ZFP1: variants seen among roughly 807,000 people sequenced by gnomAD.
The protein encoded by ZFP1 is ZFP1 zinc finger protein.
ZFP1 carries 32 observed loss-of-function variants against 38.5 expected under a neutral mutation model. The ratio of observed to expected loss-of-function variants is 0.83; its 90% CI spans 0.63 to 1.12. The LOEUF is 1.12. Among genes scored for constraint, ZFP1 ranks in the 50% most tolerant of loss-of-function variants. The pLI is 0.00. For missense variants in ZFP1, 616 were observed against 480.8 expected, an observed-to-expected ratio of 1.28 and a Z score of -2.63; for synonymous variants, 245 against 168.8, an observed-to-expected ratio of 1.45 and a Z score of -3.50.
chr16:75,139,855 A>G, the ZFP1 span, among the ~76,000 whole-genome samples: 7 of 152,250 alleles, frequency 4.6e-5, no homozygotes, highest in African/African-American at 1.7e-4. Flanking sequence ...AAAGAGTTCC[A>G]GCGATGGATA....
At chr16:75,121,605 G>A in the ZFP1 span, among the ~76,000 whole-genome samples, 1 of 152,200 alleles carries the variant, frequency 6.6e-6, no homozygotes, top group Non-Finnish European at 1.5e-5. Flanking sequence ...TGTGAAGCAG[G>A]TTATCAATAA....
chr16:75,122,405 T>C, the ZFP1 span, among the ~76,000 whole-genome samples: 4 of 152,106 alleles, frequency 2.6e-5, no homozygotes, highest in South Asian at 2.1e-4. Context: ...GTGACTCAGG[T>C]CAAAGCAGGT....
chr16:75,137,026 C>G, the ZFP1 span, among the ~76,000 whole-genome samples: 1 of 152,162 alleles, frequency 6.6e-6, no homozygotes, highest in East Asian at 1.9e-4. Context: ...CCGGGGCCAG[C>G]ATTTGTGTTT....
chr16:75,166,299 C>T (rs375037510), intron 2 of ZFP1, among the ~76,000 whole-genome samples: 1 of 152,182 alleles, frequency 6.6e-6, no homozygotes, highest in Non-Finnish European at 1.5e-5. Context: ...GTGGTGCAGT[C>T]TTGGCTCACT....
At chr16:75,136,334 A>G in the ZFP1 span, among the ~76,000 whole-genome samples, 14 of 152,218 alleles carry the variant, frequency 9.2e-5, no homozygotes, top group Admixed American at 2.0e-4. Context: ...ACTCAAGTCA[A>G]TGAAGTTGTT....
the ZFP1 span, among the ~76,000 whole-genome samples, chr16:75,126,518 C>G: frequency 1.3e-5 from 2 of 152,182 alleles, no homozygotes; most frequent in East Asian, 3.9e-4. Flanking sequence ...ATTCTCCTGC[C>G]TCAGCCTCCT....
chr16:75,169,143 C>A, intron 3 of ZFP1, 110 bp from the exon 4 acceptor site: 1 of 1,347,110 alleles, frequency 7.4e-7, no homozygotes, highest in Non-Finnish European at 9.8e-7. Flanking sequence ...AGACTGGGTC[C>A]CAAACTAAAG....
intron 1 of ZFP1, among the ~76,000 whole-genome samples, chr16:75,149,973 CG>C (rs1421911866): frequency 1.3e-5 from 2 of 149,796 alleles, no homozygotes; most frequent in East Asian, 4.1e-4. Flanking sequence ...TTAGTAGAGA[CG>C]GGGTTTCACC....
the ZFP1 span, among the ~76,000 whole-genome samples, chr16:75,125,577 C>T: frequency 6.6e-6 from 1 of 152,134 alleles, no homozygotes; most frequent in African/African-American, 2.4e-5. Flanking sequence ...CCCACCTGGG[C>T]CTTCCAAAGT....
At chr16:75,164,805 A>AAG (rs1567536323) in intron 2 of ZFP1, among the ~76,000 whole-genome samples, 1 of 76,018 alleles carries the variant, frequency 1.3e-5, no homozygotes, top group African/African-American at 5.6e-5. Context: ...TTTAGTTTCC[A>AAG]TAAGTTTTTT....
rs533532304 is a variant in ZFP1, at chr16:75,159,947, A to G, written c.16-6823A>G. On this transcript the variant is annotated intron_variant, in intron 2 of 3. Transcript: ENST00000570010. ...AGGGCATGGCTTTTGTGGCATCTCAACTGTTTGCCAGTATCTCTATCTTTC... is the reference window on the plus strand; with the variant it reads ...AGGGCATGGCTTTTGTGGCATCTCAGCTGTTTGCCAGTATCTCTATCTTTC... Among the ~76,000 whole-genome samples, 34 of 152,188 alleles carry G rather than the reference A, an allele frequency of 2.2e-4. No individual in the cohort carries two copies. The East Asian group carries it at 3.5e-3, about 16-fold the overall frequency.
chr16:75,120,840 T>C, the ZFP1 span, among the ~76,000 whole-genome samples: 3 of 152,084 alleles, frequency 2.0e-5, no homozygotes, highest in Non-Finnish European at 4.4e-5. Flanking sequence ...TTAGCCAGGA[T>C]GGTCTCGATC....
chr16:75,128,835 G>A, the ZFP1 span, among the ~76,000 whole-genome samples: 2 of 152,184 alleles, frequency 1.3e-5, no homozygotes, highest in African/African-American at 4.8e-5. Context: ...GTGTTGCCCA[G>A]GCTGGAGTGC....
chr16:75,146,430 G>C (rs957265108), upstream of ZFP1, among the ~76,000 whole-genome samples: 1 of 151,912 alleles, frequency 6.6e-6, no homozygotes, highest in Non-Finnish European at 1.5e-5. Context: ...GCCTCCCAAA[G>C]TGCTGGGATT....
chr16:75,166,741 T>C (rs1490854931), intron 2 of ZFP1, 29 bp from the exon 3 acceptor site: 1 of 1,613,986 alleles, frequency 6.2e-7, no homozygotes, highest in Non-Finnish European at 8.5e-7. Flanking sequence ...AATGATCATC[T>C]TAGGATGAAT....
intron 2 of ZFP1, among the ~76,000 whole-genome samples, chr16:75,166,219 C>T (rs1363619385): frequency 6.6e-6 from 1 of 152,076 alleles, no homozygotes; most frequent in African/African-American, 2.4e-5. Context: ...TCTCACAGTA[C>T]ACATCTTGAG....
At chr16:75,152,795 C>T (rs775714127) in intron 1 of ZFP1, 114 bp from the exon 2 acceptor site, 3 of 909,450 alleles carry the variant, frequency 3.3e-6, no homozygotes, top group South Asian at 1.8e-5. Flanking sequence ...GGGACTTTCC[C>T]AGGAGGTGGT....
At chr16:75,166,346 T>A (rs1369037980) in intron 2 of ZFP1, among the ~76,000 whole-genome samples, 1 of 152,154 alleles carries the variant, frequency 6.6e-6, no homozygotes, top group African/African-American at 2.4e-5. Context: ...AGTTCTCCTG[T>A]CTCAGCTCCC....
the ZFP1 span, among the ~76,000 whole-genome samples, chr16:75,135,483 G>C: frequency 6.6e-6 from 1 of 152,172 alleles, no homozygotes; most frequent in Admixed American, 6.5e-5. Flanking sequence ...TTAGTGATTA[G>C]CTGGTAACAG....
Sources: gnomAD v4.1 joint callset for allele counts (sites outside exome capture counted in the v4.1 genomes callset) on GRCh38, gnomAD v4.1.1 for gene constraint, MANE v1.5 for transcripts, NCBI Gene and HGNC (gene_info 2026-07-23, HGNC 2026-07-21) for gene names.